TANC1: variants seen among roughly 807,000 people sequenced by gnomAD.
The protein encoded by TANC1 is protein TANC1.
TANC1 carries 77 observed loss-of-function variants against 149.7 expected under a neutral mutation model. The ratio of observed to expected loss-of-function variants is 0.51; its 90% CI spans 0.43 to 0.62. The LOEUF (loss-of-function observed/expected upper bound fraction) is 0.62. Among genes scored for constraint, TANC1 ranks in the 20% least tolerant of loss-of-function variants. The pLI is 0.00. For synonymous variants in TANC1, 854 were observed against 925.0 expected (o/e 0.92, Z 1.39); for missense variants, 1,985 against 2,321.8 (o/e 0.85, Z 2.98).
At chr2:159,176,243 TA>T in intron 12 of TANC1, 108 bp from the exon 13 acceptor site, 1 of 582,836 alleles carries the variant, frequency 1.7e-6, no homozygotes, top group Non-Finnish European at 2.9e-6. Context: ...GTGCCATATG[TA>T]AACCTTTTTA....
chr2:159,179,746 T>G (rs2056278504), intron 14 of TANC1, among the ~76,000 whole-genome samples: 1 of 152,216 alleles, frequency 6.6e-6, no homozygotes, highest in Non-Finnish European at 1.5e-5. Flanking sequence ...TGGACCAGGC[T>G]GGGATGCAGT....
At chr2:159,106,438 C>T (rs1393038750) in intron 4 of TANC1, among the ~76,000 whole-genome samples, 1 of 152,126 alleles carries the variant, frequency 6.6e-6, no homozygotes, top group African/African-American at 2.4e-5. Flanking sequence ...TGACTGGCTT[C>T]TTTTATGGAG....
At chr2:159,042,784 T>C (rs185273330) in intron 2 of TANC1, among the ~76,000 whole-genome samples, 10 of 151,568 alleles carry the variant, frequency 6.6e-5, no homozygotes, top group African/African-American at 1.9e-4. Flanking sequence ...TGAAGTTGAG[T>C]GGTGTGTTTG....
intron 3 of TANC1, among the ~76,000 whole-genome samples, chr2:159,093,676 GAAC>G (rs79335865): frequency 0.055 from 8,392 of 152,176 alleles, 315 homozygotes; most frequent in Non-Finnish European, 0.084. Flanking sequence ...AAACCAAACA[GAAC>G]AACATGTTTG....
chr2:159,033,793 C>T (rs2039969048), intron 2 of TANC1, among the ~76,000 whole-genome samples: 1 of 152,166 alleles, frequency 6.6e-6, no homozygotes, highest in South Asian at 2.1e-4. Context: ...TCATGATGCT[C>T]ATGAAATCAA....
intron 4 of TANC1, among the ~76,000 whole-genome samples, chr2:159,118,826 T>G (rs2048561281): frequency 6.6e-6 from 1 of 152,178 alleles, no homozygotes; most frequent in Non-Finnish European, 1.5e-5. Context: ...ATTCTTACCC[T>G]GTCTGCATGC....
chr2:158,973,095 G>T (rs550128195), intron 1 of TANC1, among the ~76,000 whole-genome samples: 1 of 152,300 alleles, frequency 6.6e-6, no homozygotes, highest in East Asian at 1.9e-4. Flanking sequence ...AGAAAGAAGA[G>T]TTCCATAGAC....
At chr2:159,220,210 T>C (rs1180057794) in intron 22 of TANC1, among the ~76,000 whole-genome samples, 1 of 152,164 alleles carries the variant, frequency 6.6e-6, no homozygotes, top group African/African-American at 2.4e-5. Flanking sequence ...AATAAAACTT[T>C]TGCATAGATC....
At chr2:159,046,657 C>T (rs906065567) in intron 2 of TANC1, among the ~76,000 whole-genome samples, 4 of 136,294 alleles carry the variant, frequency 2.9e-5, no homozygotes, top group South Asian at 2.4e-4. Context: ...TAGAGTGCAG[C>T]GGCACAATCT....
chr2:159,172,159 C>G lies in TANC1; in HGVS notation c.1390C>G (p.Leu464Val). The G allele has an allele frequency of 2.5e-6, 4 of 1,614,176 alleles. No individual in the cohort carries two copies. Among genetic ancestry groups the G allele is most frequent in the Non-Finnish European group, 3.4e-6 (4 of 1,180,028 alleles). The stretch of plus-strand genomic sequence containing the variant: ...TCAGGATCTTCATTTCACTCCGTTG[C>G]TTTCACCGAGTTCTTCCACAAGTGC... ...PTQDLHFTPL[L>V]SPSSSTSASS... is the part of the protein sequence containing the mutation. The change falls in exon 11 of 27, where the codon CTT becomes GTT. Residue 464 changes from leucine (L) to valine (V), a missense_variant. Transcript: ENST00000263635.
In TANC1 at chr2:159,118,577, G is replaced by T. The variant is rs1444346497; in HGVS notation, c.260-17617G>T. Among the ~76,000 whole-genome samples, 4 of 152,144 alleles carry T rather than the reference G, an allele frequency of 2.6e-5. No homozygotes were observed. In the East Asian group the frequency reaches 7.7e-4, roughly 29 times the overall value. ...TGCAGTCAGAGTCTGTCCTAAGATGGGGGTAGGGAGTTGCTGTGCCTCAGT... is the reference window on the plus strand; with the variant it reads ...TGCAGTCAGAGTCTGTCCTAAGATGTGGGTAGGGAGTTGCTGTGCCTCAGT... On this transcript the variant is annotated intron_variant, in intron 4 of 26. Coordinates refer to ENST00000263635, the MANE Select transcript of TANC1 (RefSeq NM_033394.3).
chr2:159,075,229 C>T (rs903478413), intron 3 of TANC1, among the ~76,000 whole-genome samples: 2 of 152,008 alleles, frequency 1.3e-5, no homozygotes, highest in Admixed American at 6.6e-5. Flanking sequence ...ATGAGAATAT[C>T]AGTATTTGAA....
At chr2:159,092,368 T>G (rs2045645759) in intron 3 of TANC1, among the ~76,000 whole-genome samples, 1 of 152,246 alleles carries the variant, frequency 6.6e-6, no homozygotes, top group African/African-American at 2.4e-5. Context: ...TACTTTAATC[T>G]GTGATGTTGG....
intron 2 of TANC1, among the ~76,000 whole-genome samples, chr2:159,041,471 C>G (rs973026805): frequency 1.3e-5 from 2 of 152,212 alleles, no homozygotes; most frequent in African/African-American, 4.8e-5. Flanking sequence ...CTTTGTTTAC[C>G]TACTCAAGCC....
At chr2:159,202,548 G>A (rs931978390) in intron 19 of TANC1, among the ~76,000 whole-genome samples, 27 of 152,072 alleles carry the variant, frequency 1.8e-4, no homozygotes, top group Admixed American at 4.6e-4. Context: ...CAGTTCTGTC[G>A]TTCCAGTAGC....
chr2:159,126,936 C>T (rs1033212172), intron 4 of TANC1, among the ~76,000 whole-genome samples: 4 of 152,152 alleles, frequency 2.6e-5, no homozygotes, highest in African/African-American at 9.7e-5. Context: ...TCATATATAA[C>T]AATTTTAGTA....
At chr2:159,117,689 C>T (rs940884692) in intron 4 of TANC1, among the ~76,000 whole-genome samples, 1 of 148,156 alleles carries the variant, frequency 6.7e-6, no homozygotes, top group African/African-American at 2.5e-5. Flanking sequence ...AGCCACCGTG[C>T]CCGGCCTATT....
chr2:159,084,474 G>T, intron 3 of TANC1, among the ~76,000 whole-genome samples: 1 of 152,108 alleles, frequency 6.6e-6, no homozygotes, highest in Non-Finnish European at 1.5e-5. Context: ...CCCCCAAAAT[G>T]ATCCCGTTTT....
intron 22 of TANC1, among the ~76,000 whole-genome samples, chr2:159,221,233 T>C (rs1648929077): frequency 6.6e-6 from 1 of 151,940 alleles, no homozygotes. Context: ...ATACAAAAAT[T>C]AGCTGGGCGT....
Sources: allele counts gnomAD v4.1 joint callset (sites outside exome capture counted in the v4.1 genomes callset), GRCh38; gene constraint gnomAD v4.1.1; transcripts MANE v1.5; gene names NCBI Gene and HGNC (gene_info 2026-07-23, HGNC 2026-07-21).